LCLAT1: variants seen among roughly 807,000 people sequenced by gnomAD.
LCLAT1 encodes lysocardiolipin acyltransferase 1.
Under a neutral mutation model 30.7 loss-of-function variants are expected in LCLAT1, and 11 were observed. That is an observed-to-expected ratio of 0.36 (90% CI 0.23 to 0.59). The LOEUF (loss-of-function observed/expected upper bound fraction) is 0.59. Among genes scored for constraint, LCLAT1 ranks in the 20% least tolerant of loss-of-function variants. LCLAT1 has a pLI of 0.77. For missense variants in LCLAT1, 402 were observed against 458.6 expected, an observed-to-expected ratio of 0.88 and a Z score of 1.13; for synonymous variants, 155 against 151.3, an observed-to-expected ratio of 1.02 and a Z score of -0.18.
intron 1 of LCLAT1, among the ~76,000 whole-genome samples, chr2:30,495,668 A>C (rs1346146911): frequency 1.3e-5 from 2 of 152,114 alleles, no homozygotes; most frequent in Non-Finnish European, 2.9e-5. Context: ...TTTCATAGGT[A>C]AAGAAAGTAA....
In LCLAT1 at chr2:30,636,793, C is replaced by T. The variant is rs1265711619; in HGVS notation, c.629-3324C>T. Among the ~76,000 whole-genome samples, 5 of 152,142 alleles carry T rather than the reference C, an allele frequency of 3.3e-5. No individual in the cohort carries two copies. In the South Asian group the frequency reaches 6.2e-4, roughly 19 times the overall value. On this transcript the variant is annotated intron_variant, in intron 5 of 5. Coordinates refer to ENST00000379509, the MANE Select transcript of LCLAT1 (RefSeq NM_001002257.3). ...TAAAAACACATGACTGTATTTGATCCGTAAGCATTAGGAACCACCTGTATG... is the reference window on the plus strand; with the variant it reads ...TAAAAACACATGACTGTATTTGATCTGTAAGCATTAGGAACCACCTGTATG...
chr2:30,568,864 C>CAAAAAAAAAAAAAAAAAAAAA (rs61325694), intron 5 of LCLAT1, among the ~76,000 whole-genome samples: 8 of 89,104 alleles, frequency 9.0e-5, no homozygotes, highest in Non-Finnish European at 1.3e-4. Context: ...TCATGAATAG[C>CAAAAAAAAAAAAAAAAAAAAA]AAAAAAAAAA....
chr2:30,576,316 T>A (rs368744508), intron 5 of LCLAT1, among the ~76,000 whole-genome samples: 1 of 152,120 alleles, frequency 6.6e-6, no homozygotes, highest in African/African-American at 2.4e-5. Context: ...GTTACATACA[T>A]TGAAATATTT....
rs1669264552 is a variant in LCLAT1 at position 30,640,784 on chromosome 2, A to C, written c.*165A>C. 5.0e-6 allele frequency: 4 copies of C among 796,192 alleles called. No homozygotes were observed. In the African/African-American group the frequency reaches 7.0e-5, roughly 14 times the overall value. The allele number at this position is 796,192 out of a possible 1,614,324, so 49.3% of individuals were successfully genotyped here. ...AATTTTGTGGGAAAAATATTGCTAC[A>C]ATTTTTTTTAATCTCTGAATGTAAT... On this transcript the variant is annotated 3_prime_UTR_variant, in exon 6 of 6. Transcript: ENST00000379509.
intron 3 of LCLAT1, among the ~76,000 whole-genome samples, chr2:30,550,280 T>G (rs971639609): frequency 6.6e-6 from 1 of 152,230 alleles, no homozygotes; most frequent in Non-Finnish European, 1.5e-5. Context: ...ATGGTATATC[T>G]GTTGAAACAA....
intron 1 of LCLAT1, among the ~76,000 whole-genome samples, chr2:30,491,227 A>G (rs1231918043): frequency 6.6e-6 from 1 of 152,240 alleles, no homozygotes; most frequent in African/African-American, 2.4e-5. Flanking sequence ...TTGGCCATGG[A>G]TAAAGTATAT....
chr2:30,598,998 G>GAGATAGAT (rs139302197), intron 5 of LCLAT1, among the ~76,000 whole-genome samples: 73 of 146,614 alleles, frequency 5.0e-4, no homozygotes, highest in Admixed American at 1.1e-3. Flanking sequence ...TTTTTTGTTT[G>GAGATAGAT]AGATAGATAG....
intron 2 of LCLAT1, among the ~76,000 whole-genome samples, chr2:30,528,840 G>GT (rs1254868994): frequency 1.3e-5 from 2 of 152,070 alleles, no homozygotes; most frequent in East Asian, 3.8e-4. Flanking sequence ...GACAGAGAAA[G>GT]TTTTTTTAGT....
At chr2:30,501,086 GTGTGTGTGTGTA>G (rs1427514446) in intron 1 of LCLAT1, among the ~76,000 whole-genome samples, 4 of 78,502 alleles carry the variant, frequency 5.1e-5, no homozygotes, top group East Asian at 3.0e-4. Context: ...CTGTGTGTGT[GTGTGTGTGTGTA>G]TGTGTGTGTG....
intron 2 of LCLAT1, among the ~76,000 whole-genome samples, chr2:30,531,378 CT>C (rs1685978027): frequency 6.6e-6 from 1 of 152,166 alleles, no homozygotes; most frequent in African/African-American, 2.4e-5. Flanking sequence ...TTTCAAGGGA[CT>C]TTTTGGAGTA....
At chr2:30,449,988 G>A (rs1362624581) in intron 1 of LCLAT1, among the ~76,000 whole-genome samples, 1 of 152,106 alleles carries the variant, frequency 6.6e-6, no homozygotes, top group Non-Finnish European at 1.5e-5. Flanking sequence ...ATGAGTAAAA[G>A]TGGCTAGGAC....
chr2:30,538,807 AT>A, intron 3 of LCLAT1, among the ~76,000 whole-genome samples: 1 of 152,280 alleles, frequency 6.6e-6, no homozygotes, highest in African/African-American at 2.4e-5. Context: ...TCCTGAACAT[AT>A]AAACTTTCAA....
intron 1 of LCLAT1, among the ~76,000 whole-genome samples, chr2:30,492,345 G>A (rs1032421342): frequency 7.9e-5 from 12 of 152,162 alleles, no homozygotes; most frequent in African/African-American, 2.9e-4. Flanking sequence ...CTTGTAGGAT[G>A]GGGTTGAATT....
intron 1 of LCLAT1, among the ~76,000 whole-genome samples, chr2:30,518,110 C>A (rs1334990150): frequency 1.3e-5 from 2 of 152,170 alleles, no homozygotes; most frequent in Non-Finnish European, 1.5e-5. Flanking sequence ...CAGAAATACC[C>A]TAAGTAAAAA....
chr2:30,564,463 G>A (rs1665385904), intron 4 of LCLAT1, among the ~76,000 whole-genome samples: 1 of 148,582 alleles, frequency 6.7e-6, no homozygotes, highest in African/African-American at 2.4e-5. Context: ...TCTTTTTGTA[G>A]GTGATGAACT....
intron 5 of LCLAT1, among the ~76,000 whole-genome samples, chr2:30,631,885 C>T (rs1668785173): frequency 6.6e-6 from 1 of 152,168 alleles, no homozygotes; most frequent in African/African-American, 2.4e-5. Flanking sequence ...TCTTTAACTC[C>T]AGCCTCAGCA....
chr2:30,542,861 A>G (rs1256857595), intron 3 of LCLAT1, among the ~76,000 whole-genome samples: 1 of 151,818 alleles, frequency 6.6e-6, no homozygotes, highest in African/African-American at 2.4e-5. Flanking sequence ...CAACTATTCT[A>G]CATGCTTTGT....
At chr2:30,511,483 C>T (rs1452494263) in intron 1 of LCLAT1, among the ~76,000 whole-genome samples, 3 of 152,192 alleles carry the variant, frequency 2.0e-5, no homozygotes, top group Non-Finnish European at 4.4e-5. Context: ...TGGCACTAGC[C>T]ACATTTCAGA....
chr2:30,462,419 C>T (rs1682199951), intron 1 of LCLAT1, among the ~76,000 whole-genome samples: 1 of 152,204 alleles, frequency 6.6e-6, no homozygotes, highest in Non-Finnish European at 1.5e-5. Context: ...AGGGGCACAG[C>T]TTCACTAAGC....
Sources: gnomAD v4.1 joint callset for allele counts (sites outside exome capture counted in the v4.1 genomes callset) on GRCh38, gnomAD v4.1.1 for gene constraint, MANE v1.5 for transcripts, NCBI Gene and HGNC (gene_info 2026-07-23, HGNC 2026-07-21) for gene names.